The following CENPI variants were observed in gnomAD, a reference collection of about 807,000 sequenced individuals.
The protein encoded by CENPI is centromere protein I, also known as FSH primary response 1.
In CENPI, 4 loss-of-function variants were observed where a neutral mutation model predicts 60.4. The observed-to-expected ratio is 0.07, with a 90% CI of 0.03 to 0.15. CENPI has a LOEUF of 0.15. Ranked by LOEUF, CENPI falls within the 10% of genes least tolerant of loss-of-function variation. CENPI has a pLI of 1.00. For synonymous variants in CENPI, 157 were observed against 189.4 expected, an observed-to-expected ratio of 0.83 and a Z score of 1.40; for missense variants, 444 against 534.5, an observed-to-expected ratio of 0.83 and a Z score of 1.67.
At chrX:101,123,395 C>T (rs12397191) in intron 8 of CENPI, among the ~76,000 whole-genome samples, 14,193 of 110,166 alleles carry the variant, frequency 0.13, 681 homozygotes, top group Middle Eastern at 0.23. Flanking sequence ...AGGCCCTGTC[C>T]AGAGCAATCT....
intron 3 of CENPI, 57 bp from the exon 4 acceptor site, chrX:101,102,217 G>T: frequency 2.1e-6 from 2 of 935,842 alleles, no homozygotes; most frequent in Non-Finnish European, 1.5e-6. Flanking sequence ...TATTATTGAG[G>T]CCGAAGACTG....
chrX:101,114,884 G>A (rs977818414), intron 6 of CENPI, among the ~76,000 whole-genome samples: 3 of 110,709 alleles, frequency 2.7e-5, no homozygotes, highest in Admixed American at 9.7e-5. Context: ...CAGGTGATTC[G>A]CCTGCCTCGG....
At chrX:101,118,929 C>T (rs1410922454) in intron 6 of CENPI, among the ~76,000 whole-genome samples, 1 of 111,328 alleles carries the variant, frequency 9.0e-6, no homozygotes, top group Non-Finnish European at 1.9e-5. Context: ...ACCTGTAATC[C>T]CAGCACTTTG....
intron 16 of CENPI, among the ~76,000 whole-genome samples, chrX:101,143,356 G>A (rs1476793593): frequency 9.0e-6 from 1 of 111,583 alleles, no homozygotes; most frequent in Non-Finnish European, 1.9e-5. Flanking sequence ...GGACAGGGGT[G>A]AGTAGATGGA....
rs1239625724 is a variant in CENPI at position 101,126,711 on chromosome X, A to G, written c.690A>G (p.Gly230=). The G allele has an allele frequency of 8.3e-7, 1 of 1,201,047 alleles. No individual in the cohort carries two copies. The highest frequency in any genetic ancestry group is 1.8e-5 in the South Asian group (1 of 56,287). The part of the protein sequence containing the change: ...RKLLDLQAKM[G]MQPHLQALLS... ...ATGGAAAACTTATTTTATTTCAGGG[A>G]ATGCAGCCTCATCTCCAGGCTTTGT... The change falls in exon 9 of 22, where the codon GGA becomes GGG. Residue 230 remains glycine (G), a splice_region_variant and synonymous_variant. Coordinates refer to ENST00000682095, the MANE Select transcript of CENPI (RefSeq NM_001386188.2).
In CENPI at chrX:101,159,374, G is replaced by A. The variant is rs186173030; in HGVS notation, c.2095-2154G>A. 4.8e-3 allele frequency among the ~76,000 whole-genome samples: 524 copies of A among 109,859 alleles called. 2 individuals are homozygous for A. The highest frequency in any genetic ancestry group is 0.017 in the African/African-American group (503 of 30,152). ...AGAGGGGGTTTCACCGTGTTAGCCA[G>A]GACGGTCTTGATCTCCTGACCTCGT... is the stretch of plus-strand genomic sequence containing the variant. On this transcript the variant is annotated intron_variant, in intron 20 of 21. Coordinates refer to ENST00000682095, the MANE Select transcript of CENPI (RefSeq NM_001386188.2).
downstream of CENPI, among the ~76,000 whole-genome samples, chrX:101,166,522 A>G (rs1463887924): frequency 4.4e-5 from 5 of 112,846 alleles, no homozygotes; most frequent in African/African-American, 1.3e-4. Flanking sequence ...GTTATCTGAA[A>G]ACATATTTTT....
In CENPI at chrX:101,132,737, ATACT is replaced by A. The variant is rs202141175; in HGVS notation, c.1470+284_1470+287del. On this transcript the variant is annotated intron_variant, in intron 15 of 21. Transcript: ENST00000682095. ...TTAATAAAAACAAACAAACTGAGAA[ATACT>A]TAGTTTGATTGTTGTGGTTTATATT... Among the ~76,000 whole-genome samples, 637 of 111,902 alleles carry A rather than the reference ATACT, an allele frequency of 5.7e-3. 3 individuals are homozygous for A. The highest frequency in any genetic ancestry group is 0.02 in the African/African-American group (609 of 30,905).
intron 7 of CENPI, 73 bp from the exon 8 acceptor site, chrX:101,120,665 G>T: frequency 3.3e-6 from 3 of 922,096 alleles, no homozygotes; most frequent in Non-Finnish European, 3.1e-6. Flanking sequence ...GAATTGCATG[G>T]TGGTTAAATA....
At chrX:101,136,148 T>C (rs1221480538) in intron 15 of CENPI, among the ~76,000 whole-genome samples, 1 of 112,703 alleles carries the variant, frequency 8.9e-6, no homozygotes, top group East Asian at 2.7e-4. Flanking sequence ...AAGCTTAGTA[T>C]AGGACACTGC....
chrX:101,175,076 C>T, the CENPI span, among the ~76,000 whole-genome samples: 1 of 111,925 alleles, frequency 8.9e-6, no homozygotes, highest in Non-Finnish European at 1.9e-5. Flanking sequence ...CATTGCACTC[C>T]AGCCTGGGCA....
At chrX:101,118,767 A>G (rs920879626) in intron 6 of CENPI, among the ~76,000 whole-genome samples, 3 of 111,846 alleles carry the variant, frequency 2.7e-5, no homozygotes, top group Non-Finnish European at 5.6e-5. Context: ...ATTCAACATG[A>G]TAGTATTGCT....
intron 4 of CENPI, 21 bp from the exon 5 acceptor site, chrX:101,109,452 T>C (rs1392614495): frequency 9.2e-7 from 1 of 1,091,702 alleles, no homozygotes; most frequent in Non-Finnish European, 1.3e-6. Flanking sequence ...TGTAGTTTAA[T>C]TTAGCTTGTC....
At chrX:101,119,623 G>T (rs1463088232) in intron 6 of CENPI, among the ~76,000 whole-genome samples, 1 of 111,603 alleles carries the variant, frequency 9.0e-6, no homozygotes, top group Non-Finnish European at 1.9e-5. Context: ...TCTAGAGTAA[G>T]ACCTCAACAG....
At chrX:101,143,069 C>CAAAA (rs5903179) in intron 16 of CENPI, among the ~76,000 whole-genome samples, 2 of 64,866 alleles carry the variant, frequency 3.1e-5, no homozygotes, top group Non-Finnish European at 5.6e-5. Flanking sequence ...GACTCCATCT[C>CAAAA]AAAAAAAAAA....
intron 16 of CENPI, among the ~76,000 whole-genome samples, chrX:101,144,720 C>T (rs1018519409): frequency 9.0e-5 from 10 of 111,066 alleles, no homozygotes; most frequent in Non-Finnish European, 1.5e-4. Flanking sequence ...AACTTTTTTT[C>T]TCCACTTAAC....
chrX:101,167,276 A>G (rs928215658), downstream of CENPI, among the ~76,000 whole-genome samples: 4 of 111,752 alleles, frequency 3.6e-5, no homozygotes, highest in East Asian at 1.1e-3. Context: ...AAAAAGTATG[A>G]ATGAATGAGC....
intron 20 of CENPI, among the ~76,000 whole-genome samples, chrX:101,153,765 GATGAA>G (rs1388892398): frequency 9.0e-6 from 1 of 111,542 alleles, no homozygotes; most frequent in Non-Finnish European, 1.9e-5. Flanking sequence ...TTTTAATTTT[GATGAA>G]ATGAAATTTC....
chrX:101,147,768 G>A lies in CENPI; in HGVS notation c.1832G>A (p.Arg611His), dbSNP rs762566336. The A allele has an allele frequency of 1.0e-5, 12 of 1,198,976 alleles. No homozygotes were observed. The highest frequency in any genetic ancestry group is 4.4e-5 in the Admixed American group (2 of 45,053). ...CTGTTTGTTTTTTCTGTTAGATATC[G>A]TAAAAATTTGACTGCCGCAAAGAAA... is the stretch of plus-strand genomic sequence containing the variant. ...NQLCFIMHRY[R>H]KNLTAAKKNE... Residue 611 changes from arginine to histidine, a missense_variant, in exon 19 of 22, where the codon CGT (arginine) becomes CAT (histidine). Transcript: ENST00000682095.
Sources: allele counts gnomAD v4.1 joint callset (sites outside exome capture counted in the v4.1 genomes callset), GRCh38; gene constraint gnomAD v4.1.1; transcripts MANE v1.5; gene names NCBI Gene and HGNC (gene_info 2026-07-23, HGNC 2026-07-21).